Variants in STAG2 observed in about 807,000 individuals in gnomAD.
STAG2 encodes the protein STAG2 cohesin complex component, also known as cohesin subunit SA-2.
A neutral mutation model predicts 108.1 loss-of-function variants in STAG2; 14 were observed. The ratio of observed to expected loss-of-function variants is 0.13; its 90% confidence interval spans 0.09 to 0.20. The LOEUF is 0.20. Among genes scored for constraint, STAG2 ranks in the 10% least tolerant of loss-of-function variants. STAG2 has a pLI of 1.00. For synonymous variants in STAG2, 307 were observed against 302.7 expected, an observed-to-expected ratio of 1.01 and a Z score of -0.15; for missense variants, 440 against 940.9, an observed-to-expected ratio of 0.47 and a Z score of 6.96.
chrX:123,978,722 C>T (rs1265869971), intron 1 of STAG2, among the ~76,000 whole-genome samples: 1 of 111,831 alleles, frequency 8.9e-6, no homozygotes, highest in African/African-American at 3.2e-5. Flanking sequence ...TAAGCACCCA[C>T]GTGATGCTCC....
intron 1 of STAG2, among the ~76,000 whole-genome samples, chrX:123,999,427 ACCCTCCTCCCT>A (rs967202006): frequency 1.8e-5 from 2 of 108,791 alleles, no homozygotes; most frequent in Non-Finnish European, 1.9e-5. Flanking sequence ...CCCTCCTCCT[ACCCTCCTCCCT>A]CCCCCTTCTC....
At chrX:124,048,796 A>G (rs772195924) in intron 9 of STAG2, among the ~76,000 whole-genome samples, 27 of 111,810 alleles carry the variant, frequency 2.4e-4, no homozygotes, top group Admixed American at 4.8e-4. Flanking sequence ...AAATATTAAA[A>G]TCCCAATCAA....
intron 1 of STAG2, among the ~76,000 whole-genome samples, chrX:123,993,067 T>C (rs1260016562): frequency 1.8e-5 from 2 of 111,790 alleles, no homozygotes; most frequent in African/African-American, 6.5e-5. Context: ...TGCCTAAAAA[T>C]GATACCTTGT....
intron 19 of STAG2, 99 bp from the exon 20 acceptor site, chrX:124,063,749 C>T: frequency 3.2e-6 from 2 of 634,368 alleles, no homozygotes; most frequent in Admixed American, 5.8e-5. Context: ...TGTAGACTTA[C>T]TGTATTTGAA....
At chrX:124,046,128 T>A (rs2057869314) in intron 8 of STAG2, among the ~76,000 whole-genome samples, 1 of 111,869 alleles carries the variant, frequency 8.9e-6, no homozygotes, top group African/African-American at 3.2e-5. Context: ...AAATAGGCAT[T>A]AATTGTTATG....
rs202127296 is a variant in STAG2 at position 124,045,242 on chromosome X, G to A, written c.541G>A (p.Val181Met). 153 of 1,208,616 alleles carry A rather than the reference G, an allele frequency of 1.3e-4. No homozygotes were observed. The highest frequency in any genetic ancestry group is 1.8e-5 in the African/African-American group (1 of 57,053). ...FKSSFCEFIG[V>M]LVRQCQYSII... ...ATCCAGTTTTTGTGAATTCATTGGC[G>A]TGTTAGTACGGCAATGTCAATATAG... Residue 181 changes from valine (V) to methionine (M), a missense_variant, in exon 8 of 35, where the codon GTG (valine) becomes ATG (methionine). Val to Met is a conservative substitution (Grantham distance 21). Transcript: ENST00000371145.
At chrX:124,083,964 G>A (rs1247482938) in intron 29 of STAG2, among the ~76,000 whole-genome samples, 1 of 111,327 alleles carries the variant, frequency 9.0e-6, no homozygotes, top group Non-Finnish European at 1.9e-5. Flanking sequence ...ACCCAACTAA[G>A]GAGGGAGCAT....
intron 5 of STAG2, among the ~76,000 whole-genome samples, chrX:124,036,839 T>G (rs2057533283): frequency 9.0e-6 from 1 of 111,322 alleles, no homozygotes; most frequent in South Asian, 3.8e-4. Context: ...AAATTCAGAG[T>G]TGTACAGCCA....
intron 4 of STAG2, among the ~76,000 whole-genome samples, chrX:124,026,232 G>T (rs1055116996): frequency 1.8e-5 from 2 of 109,239 alleles, no homozygotes; most frequent in Non-Finnish European, 3.8e-5. Flanking sequence ...TGTTCTGTTG[G>T]CTTTATTTTT....
intron 1 of STAG2, among the ~76,000 whole-genome samples, chrX:124,010,513 A>C (rs1183804829): frequency 3.6e-5 from 4 of 111,350 alleles, no homozygotes; most frequent in African/African-American, 6.5e-5. Flanking sequence ...CATTTTGTTT[A>C]TCCATATCTG....
At chrX:123,969,894 A>T (rs775622117) in intron 1 of STAG2, among the ~76,000 whole-genome samples, 2 of 100,388 alleles carry the variant, frequency 2.0e-5, no homozygotes, top group Non-Finnish European at 3.9e-5. Context: ...TGATTCACCC[A>T]TCTCCACCCC....
At chrX:124,043,453 C>T (rs1403070529) in intron 7 of STAG2, among the ~76,000 whole-genome samples, 1 of 111,398 alleles carries the variant, frequency 9.0e-6, no homozygotes, top group Non-Finnish European at 1.9e-5. Context: ...TGCATCTGGC[C>T]AGTATCAATT....
chrX:123,961,655 CCCCTCCCTTCTCCCTTCCCCTCCTCCCTT>C (rs2053862834), upstream of STAG2: 1 of 102,387 alleles, frequency 9.8e-6, no homozygotes. Flanking sequence ...TCCCTCGTGC[CCCCTCCCTTCTCCCTTCCCCTCCTCCCTT>C]CCCTCCCTCC....
rs758454937 is a variant in STAG2 at position 124,065,159 on chromosome X, T to G, written c.2026-717T>G. Among the ~76,000 whole-genome samples, 10 of 111,686 alleles carry G rather than the reference T, an allele frequency of 9.0e-5. No individual in the cohort carries two copies. The East Asian group carries it at 2.8e-3, about 31-fold the overall frequency. ...GATGATTACATTCTTAGTTAAAAAT[T>G]TTAATAGCTCTACTCTTGGCTGAAT... On this transcript the variant is annotated intron_variant, in intron 20 of 34. Coordinates refer to ENST00000371145, the MANE Select transcript of STAG2 (RefSeq NM_001042750.2).
At chrX:123,976,120 A>T (rs1330676530) in intron 1 of STAG2, among the ~76,000 whole-genome samples, 1 of 111,511 alleles carries the variant, frequency 9.0e-6, no homozygotes, top group Non-Finnish European at 1.9e-5. Flanking sequence ...CCAAAAATTC[A>T]AAAATTAGCC....
chrX:124,005,697 A>G (rs778623200), intron 1 of STAG2, among the ~76,000 whole-genome samples: 28 of 111,872 alleles, frequency 2.5e-4, no homozygotes, highest in Non-Finnish European at 7.5e-5. Flanking sequence ...GTACAGATGT[A>G]CCACAGTTTG....
At chrX:124,070,243 A>G (rs1286935226) in intron 24 of STAG2, among the ~76,000 whole-genome samples, 2 of 111,692 alleles carry the variant, frequency 1.8e-5, no homozygotes, top group Non-Finnish European at 3.8e-5. Context: ...GAAATATGCT[A>G]ATAGGTATAA....
At chrX:124,072,681 T>TG (rs1456990520) in intron 25 of STAG2, among the ~76,000 whole-genome samples, 1 of 96,739 alleles carries the variant, frequency 1.0e-5, no homozygotes, top group Non-Finnish European at 2.1e-5. Context: ...GTAATTATAG[T>TG]GTTGTTGTTG....
Position 124,063,943 on chromosome X carries a change from C to T in STAG2, c.1917C>T (p.Leu639=). ...LEACSKTYHA[L]CNEEFTIFNR... ...CATGTTCTAAAACTTACCATGCACTCTGTAATGAAGAGTTCACAATCTTCA... is the reference window on the plus strand; with the variant it reads ...CATGTTCTAAAACTTACCATGCACTTTGTAATGAAGAGTTCACAATCTTCA... The change falls in exon 20 of 35, where the codon CTC becomes CTT. Residue 639 remains leucine, a synonymous_variant. Coordinates refer to ENST00000371145, the MANE Select transcript of STAG2 (RefSeq NM_001042750.2). The T allele has an allele frequency of 8.3e-7, 1 of 1,207,852 alleles. No individual in the cohort carries two copies. Among genetic ancestry groups the T allele is most frequent in the Middle Eastern group, 2.3e-4 (1 of 4,347 alleles).
Sources: gnomAD v4.1 joint callset for allele counts (sites outside exome capture counted in the v4.1 genomes callset) on GRCh38, gnomAD v4.1.1 for gene constraint, MANE v1.5 for transcripts, NCBI Gene and HGNC (gene_info 2026-07-23, HGNC 2026-07-21) for gene names.